KLRG1: variants seen among roughly 807,000 people sequenced by gnomAD.
KLRG1 encodes killer cell lectin-like receptor subfamily G member 1.
KLRG1 carries 16 observed loss-of-function variants against 21.8 expected under a neutral mutation model. The ratio of observed to expected loss-of-function variants is 0.73; its 90% CI spans 0.50 to 1.11. The LOEUF (loss-of-function observed/expected upper bound fraction) is 1.11. Among genes scored for constraint, KLRG1 ranks in the 50% most tolerant of loss-of-function variants. The pLI is 0.00. For synonymous variants in KLRG1, 69 were observed against 75.9 expected (o/e 0.91, Z 0.47); for missense variants, 173 against 218.3 (o/e 0.79, Z 1.31).
At chr12:8,995,517 C>G (rs748660187) in intron 3 of KLRG1, among the ~76,000 whole-genome samples, 1 of 152,108 alleles carries the variant, frequency 6.6e-6, no homozygotes, top group Admixed American at 6.5e-5. Flanking sequence ...ACCCAACAAA[C>G]CTCAGTTACA....
chr12:9,089,851 C>T, the KLRG1 span: 26 of 1,161,118 alleles, frequency 2.2e-5, no homozygotes, highest in Admixed American at 3.1e-4. Context: ...ATTATATTAC[C>T]CACATATATT....
At chr12:9,082,635 A>C in the KLRG1 span, among the ~76,000 whole-genome samples, 2 of 152,228 alleles carry the variant, frequency 1.3e-5, no homozygotes, top group Non-Finnish European at 2.9e-5. Flanking sequence ...GCAAGGACAC[A>C]GGATTATGAA....
the KLRG1 span, chr12:9,170,030 T>C: frequency 6.5e-6 from 1 of 152,814 alleles, no homozygotes; most frequent in East Asian, 1.9e-4. The surrounding 1 kb of genome is among the most constrained non-coding windows in gnomAD (Gnocchi z 4.6). Flanking sequence ...TAGAAGCAGC[T>C]GCGGTCTGCA....
intron 1 of KLRG1, among the ~76,000 whole-genome samples, chr12:8,980,621 G>T (rs1213021785): frequency 6.6e-6 from 1 of 152,194 alleles, no homozygotes; most frequent in South Asian, 2.1e-4. Flanking sequence ...TAAAGGGTGT[G>T]TCATGGCATT....
the KLRG1 span, among the ~76,000 whole-genome samples, chr12:9,027,025 T>C: frequency 6.6e-6 from 1 of 152,154 alleles, no homozygotes; most frequent in East Asian, 1.9e-4. Context: ...CTGGCTTTTT[T>C]TTTTTAATTG....
At chr12:9,110,799 T>A in the KLRG1 span, among the ~76,000 whole-genome samples, 1 of 152,134 alleles carries the variant, frequency 6.6e-6, no homozygotes, top group Non-Finnish European at 1.5e-5. Flanking sequence ...CAGATTAAAT[T>A]TTATAGAACT....
At chr12:9,074,756 T>G in the KLRG1 span, 1 of 1,613,418 alleles carries the variant, frequency 6.2e-7, no homozygotes, top group Non-Finnish European at 8.5e-7. Context: ...CTTGGGTTTC[T>G]GAGGGCGCTC....
the KLRG1 span, among the ~76,000 whole-genome samples, chr12:9,047,180 C>T: frequency 6.6e-6 from 1 of 152,276 alleles, no homozygotes; most frequent in South Asian, 2.1e-4. Context: ...ATTGACCTAA[C>T]AGATAACAGT....
chr12:8,980,424 A>C lies in KLRG1; in HGVS notation c.-155-11782A>C, dbSNP rs747580781. The stretch of plus-strand genomic sequence containing the variant: ...CTTTGGGTTTGGTTACTGGAAATCT[A>C]TTGCGTTTTTTGGTGATGTCATATT... On this transcript the variant is annotated intron_variant, in intron 1 of 4. Transcript: ENST00000539240. Among the ~76,000 whole-genome samples, 9 of 152,112 alleles carry C rather than the reference A, an allele frequency of 5.9e-5. No individual in the cohort carries two copies. In the South Asian group the frequency reaches 1.9e-3, roughly 32 times the overall value.
the KLRG1 span, chr12:9,116,139 A>G: frequency 2.0e-5 from 8 of 392,048 alleles, no homozygotes; most frequent in African/African-American, 4.1e-5. Flanking sequence ...TTTACCGTAC[A>G]GCAGCTAATA....
At chr12:9,192,830 C>CACTCT in the KLRG1 span, 5 of 861,938 alleles carry the variant, frequency 5.8e-6, no homozygotes, top group Non-Finnish European at 9.2e-6. Flanking sequence ...CGGTGTCTTC[C>CACTCT]ACTCTAAAAT....
chr12:9,066,782 T>C, the KLRG1 span: 1 of 152,232 alleles, frequency 6.6e-6, no homozygotes, highest in African/African-American at 2.4e-5. Flanking sequence ...CAAAGTCTTT[T>C]CCAGTTCTTA....
At chr12:9,148,708 C>CT in the KLRG1 span, 1 of 396,312 alleles carries the variant, frequency 2.5e-6, no homozygotes, top group Non-Finnish European at 4.5e-6. Flanking sequence ...TACCTGCAAC[C>CT]TCCACTCTGC....
the KLRG1 span, among the ~76,000 whole-genome samples, chr12:9,143,371 G>A: frequency 1.1e-4 from 17 of 152,148 alleles, no homozygotes; most frequent in African/African-American, 4.1e-4. Context: ...TGGAGAAGGA[G>A]GAAGAGTGGA....
the KLRG1 span, chr12:9,165,454 C>G: frequency 6.9e-7 from 1 of 1,445,750 alleles, no homozygotes; most frequent in Admixed American, 1.8e-5. Flanking sequence ...AAGCTAACGT[C>G]AAGAACTGAA....
the KLRG1 span, among the ~76,000 whole-genome samples, chr12:9,194,803 A>T: frequency 2.6e-5 from 4 of 152,134 alleles, no homozygotes; most frequent in African/African-American, 9.7e-5. Context: ...CTTGCCACTT[A>T]ATATGCACTT....
intron 3 of KLRG1, chr12:8,996,528 A>G (rs1947135995): frequency 6.6e-6 from 1 of 152,184 alleles, no homozygotes; most frequent in Non-Finnish European, 1.5e-5. Context: ...ACTCTAAAGC[A>G]GTGGGGGAGA....
the KLRG1 span, among the ~76,000 whole-genome samples, chr12:9,206,312 C>T: frequency 6.3e-4 from 95 of 151,626 alleles, no homozygotes; most frequent in South Asian, 4.2e-4. Flanking sequence ...AAAGATATCA[C>T]GATTAAAAAT....
At chr12:9,062,470 T>C in the KLRG1 span, among the ~76,000 whole-genome samples, 2 of 145,692 alleles carry the variant, frequency 1.4e-5, no homozygotes, top group Non-Finnish European at 3.0e-5. Flanking sequence ...ATGGATAATA[T>C]ATCTGATATA....
Sources: allele counts gnomAD v4.1 joint callset (sites outside exome capture counted in the v4.1 genomes callset), GRCh38; gene constraint gnomAD v4.1.1; non-coding constraint Gnocchi (gnomAD v3.1); transcripts MANE v1.5; gene names NCBI Gene and HGNC (gene_info 2026-07-23, HGNC 2026-07-21).